The following CXXC4 variants were observed in gnomAD, a reference collection of about 807,000 sequenced individuals.
CXXC4 encodes CXXC-type zinc finger protein 4.
A neutral mutation model predicts 20.5 loss-of-function variants in CXXC4; 5 were observed. The ratio of observed to expected loss-of-function variants is 0.24; its 90% CI spans 0.13 to 0.51. CXXC4 has a LOEUF of 0.51. Ranked by LOEUF, CXXC4 falls within the 20% of genes least tolerant of loss-of-function variation. The pLI, the probability that CXXC4 is intolerant of heterozygous loss-of-function variation, is 0.97. For missense variants in CXXC4, 419 were observed against 496.4 expected, an observed-to-expected ratio of 0.84 and a Z score of 1.48; for synonymous variants, 250 against 216.4, an observed-to-expected ratio of 1.16 and a Z score of -1.36.
chr4:104,490,811 G>T lies in CXXC4; in HGVS notation c.992C>A (p.Thr331Lys). Residue 331 changes from threonine (T) to lysine (K), a missense_variant, in exon 2 of 3, where the codon ACG becomes AAG. Thr to Lys is a moderately conservative substitution (Grantham distance 78). Transcript: ENST00000394767. Reference protein sequence around the residue: ...GVCSSCRNRKTGHQICKFRKC... With the variant: ...GVCSSCRNRKKGHQICKFRKC... ...TCTAAATTTGCAGATCTGGTGTCCCGTTTTGCGGTTCCTGCAACTGCTGCA... is the reference window on the plus strand; with the variant it reads ...TCTAAATTTGCAGATCTGGTGTCCCTTTTTGCGGTTCCTGCAACTGCTGCA... 1 of 1,614,218 alleles carries T rather than the reference G, an allele frequency of 6.2e-7. No individual in the cohort carries two copies.
At chr4:104,483,677 T>C (rs1337032625) in intron 2 of CXXC4, among the ~76,000 whole-genome samples, 1 of 151,966 alleles carries the variant, frequency 6.6e-6, no homozygotes, top group Non-Finnish European at 1.5e-5. Context: ...TGGAATTCAT[T>C]TCTTTCTTAC....
rs987017004 is a variant in CXXC4 at position 104,471,514 on chromosome 4, A to C, written c.*808T>G. 2.0e-5 allele frequency: 3 copies of C among 152,054 alleles called. No homozygotes were observed. The highest frequency in any genetic ancestry group is 7.2e-5 in the African/African-American group (3 of 41,418). 9.4% of individuals were successfully genotyped at this position (152,054 alleles called of 1,614,324 possible). On this transcript the variant is annotated 3_prime_UTR_variant, in exon 3 of 3. Transcript: ENST00000394767. ...GTACTCTGCCTTACAGTGCAACCCA[A>C]GACAAGTCAACTACACTAAGTATTT...
chr4:104,472,912 GGTCTTAAACATGA>G, intron 2 of CXXC4, among the ~76,000 whole-genome samples: 1 of 151,914 alleles, frequency 6.6e-6, no homozygotes, highest in East Asian at 1.9e-4. Flanking sequence ...TGCAGCACAT[GGTCTTAAACATGA>G]GTGAGACATA....
In CXXC4 at chr4:104,474,895, C is replaced by T. The variant is rs1170399882; in HGVS notation, c.1060-2529G>A. On this transcript the variant is annotated intron_variant, in intron 2 of 2. Coordinates refer to ENST00000394767, the MANE Select transcript of CXXC4 (RefSeq NM_025212.4). ...TTAAATCTCTTTTCCAATTCTCGCT[C>T]TTCCTGTGCCCCTTTCAGCTACTCA... 2.0e-5 allele frequency among the ~76,000 whole-genome samples: 3 copies of T among 152,112 alleles called. No homozygotes were observed. The East Asian group carries it at 5.8e-4, about 29-fold the overall frequency.
In CXXC4 at chr4:104,469,130, C is replaced by T. The variant is rs1349506912; in HGVS notation, c.*3192G>A. On this transcript the variant is annotated 3_prime_UTR_variant, in exon 3 of 3. Transcript: ENST00000394767. The stretch of plus-strand genomic sequence containing the variant: ...CTATTTTCTTTCCCAAGGATGGATA[C>T]ATTTCTACTTTGAATCTGACTCCAC... The T allele has an allele frequency of 1.3e-5, 2 of 152,004 alleles. No individual in the cohort carries two copies. The highest frequency in any genetic ancestry group is 4.8e-5 in the African/African-American group (2 of 41,412). The allele number at this position is 152,004 out of a possible 1,614,324, so 9.4% of individuals were successfully genotyped here. A position where few individuals can be genotyped will look rare whatever the true frequency, so the allele number is the denominator to read the frequency against.
chr4:104,479,282 A>G (rs2110272847), intron 2 of CXXC4, among the ~76,000 whole-genome samples: 1 of 152,298 alleles, frequency 6.6e-6, no homozygotes, highest in East Asian at 1.9e-4. Flanking sequence ...TTAAGAGGTG[A>G]TGTTTAACCT....
At chr4:104,477,196 A>G (rs983093527) in intron 2 of CXXC4, among the ~76,000 whole-genome samples, 1 of 152,176 alleles carries the variant, frequency 6.6e-6, no homozygotes, top group Non-Finnish European at 1.5e-5. Context: ...TTATTCAATT[A>G]TATAGATTTT....
rs1346873089 is a variant in CXXC4, at chr4:104,468,969, G to A, written c.*3353C>T. ...GAAGAGAATATTCCTTTCTTTTAGT[G>A]ATTGCTTAATATTAATTCATAATAA... On this transcript the variant is annotated 3_prime_UTR_variant, in exon 3 of 3. Coordinates refer to ENST00000394767, the MANE Select transcript of CXXC4 (RefSeq NM_025212.4). 1 of 151,982 alleles carries A rather than the reference G, an allele frequency of 6.6e-6. No homozygotes were observed. Among genetic ancestry groups the A allele is most frequent in the Non-Finnish European group, 1.5e-5 (1 of 67,966 alleles). The allele number at this position is 151,982 out of a possible 1,614,324, so 9.4% of individuals were successfully genotyped here.
chr4:104,482,134 T>C (rs1560541036), intron 2 of CXXC4, among the ~76,000 whole-genome samples: 1 of 152,220 alleles, frequency 6.6e-6, no homozygotes, highest in Non-Finnish European at 1.5e-5. Context: ...TAAACTCATA[T>C]ATTTTTCTGC....
rs139678199 is a variant in CXXC4 at position 104,472,770 on chromosome 4, T to A, written c.1060-404A>T. ...GGATCATCTTACCGTCAGGATAACA[T>A]ACACACAGAAGGCACAATCACATAA... On this transcript the variant is annotated intron_variant, in intron 2 of 2. Transcript: ENST00000394767. Among the ~76,000 whole-genome samples the A allele has an allele frequency of 2.4e-3, 368 of 152,108 alleles. 2 individuals are homozygous for A. Among genetic ancestry groups the A allele is most frequent in the African/African-American group, 8.6e-3 (357 of 41,560 alleles).
At chr4:104,473,767 T>C (rs567880289) in intron 2 of CXXC4, among the ~76,000 whole-genome samples, 1 of 128,260 alleles carries the variant, frequency 7.8e-6, no homozygotes, top group Non-Finnish European at 1.6e-5. Flanking sequence ...TACACACACA[T>C]TACTTGTAAT....
chr4:104,468,738 G>A lies in CXXC4; in HGVS notation c.*3584C>T, dbSNP rs1312145468. Reference sequence around the variant, plus strand: ...ACTGAAACATTTAGCTGTTACATGAGAACCAACTGTTTGATATCACTGTGA... The same window carrying A: ...ACTGAAACATTTAGCTGTTACATGAAAACCAACTGTTTGATATCACTGTGA... On this transcript the variant is annotated 3_prime_UTR_variant, in exon 3 of 3. Transcript: ENST00000394767. 2 of 151,328 alleles carry A rather than the reference G, an allele frequency of 1.3e-5. No individual in the cohort carries two copies. The highest frequency in any genetic ancestry group is 4.9e-5 in the African/African-American group (2 of 41,226). The allele number at this position is 151,328 out of a possible 1,614,324, so 9.4% of individuals were successfully genotyped here.
intron 1 of CXXC4, among the ~76,000 whole-genome samples, chr4:104,492,578 AT>A (rs1200553228): frequency 1.3e-5 from 2 of 152,222 alleles, no homozygotes; most frequent in Non-Finnish European, 2.9e-5. Flanking sequence ...ACATCCGAGT[AT>A]AAACTGTAAG....
chr4:104,473,057 A>AAG (rs1736317480), intron 2 of CXXC4, among the ~76,000 whole-genome samples: 1 of 149,924 alleles, frequency 6.7e-6, no homozygotes, highest in Non-Finnish European at 1.5e-5. Context: ...TAGAAATCAC[A>AAG]ATATATATAT....
At chr4:104,481,850 C>T (rs186797802) in intron 2 of CXXC4, among the ~76,000 whole-genome samples, 55 of 152,180 alleles carry the variant, frequency 3.6e-4, no homozygotes, top group African/African-American at 1.3e-3. Flanking sequence ...AAGGTATAGA[C>T]CTGCCTGGAA....
intron 2 of CXXC4, among the ~76,000 whole-genome samples, chr4:104,487,448 G>C (rs1736728346): frequency 1.3e-5 from 2 of 151,980 alleles, no homozygotes; most frequent in African/African-American, 4.8e-5. Context: ...TATCAGATTG[G>C]GATATTTTTA....
intron 2 of CXXC4, among the ~76,000 whole-genome samples, chr4:104,478,412 G>T (rs1211493203): frequency 6.6e-6 from 1 of 152,112 alleles, no homozygotes; most frequent in African/African-American, 2.4e-5. Context: ...GTGTGTACAC[G>T]GTGGGAGTGG....
At chr4:104,474,687 T>C (rs1736359370) in intron 2 of CXXC4, among the ~76,000 whole-genome samples, 2 of 152,094 alleles carry the variant, frequency 1.3e-5, no homozygotes, top group Non-Finnish European at 2.9e-5. Context: ...TTCACATTTA[T>C]GTGTATATGT....
At chr4:104,480,995 A>G (rs570896570) in intron 2 of CXXC4, among the ~76,000 whole-genome samples, 1 of 152,106 alleles carries the variant, frequency 6.6e-6, no homozygotes, top group African/African-American at 2.4e-5. Flanking sequence ...GGTTTCCAGC[A>G]GTCTGTAAAA....
Sources: allele counts gnomAD v4.1 joint callset (sites outside exome capture counted in the v4.1 genomes callset), GRCh38; gene constraint gnomAD v4.1.1; transcripts MANE v1.5; gene names NCBI Gene and HGNC (gene_info 2026-07-23, HGNC 2026-07-21).